NME8: variants seen among roughly 807,000 people sequenced by gnomAD.
NME8 encodes the protein NME/NM23 family member 8, also known as protein NME8.
Under a neutral mutation model 82.3 loss-of-function variants are expected in NME8, and 72 were observed. The observed-to-expected ratio is 0.87, with a 90% CI of 0.72 to 1.06. NME8 has a LOEUF of 1.06. Ranked by LOEUF, NME8 falls within the 50% of genes least tolerant of loss-of-function variation. The probability of loss-of-function intolerance (pLI) is 0.00; values close to 1 mark genes in which losing one functional copy is unlikely to be tolerated. For synonymous variants in NME8, 267 were observed against 228.5 expected, an observed-to-expected ratio of 1.17 and a Z score of -1.52; for missense variants, 712 against 685.4, an observed-to-expected ratio of 1.04 and a Z score of -0.43.
chr7:37,893,988 C>T (rs1234579720), intron 15 of NME8, among the ~76,000 whole-genome samples: 2 of 152,108 alleles, frequency 1.3e-5, no homozygotes, highest in Non-Finnish European at 2.9e-5. Context: ...GTTGGTTCAC[C>T]TTTGTCTCTA....
At chr7:37,885,346 A>C in intron 14 of NME8, 94 bp downstream of exon 14, 1 of 820,658 alleles carries the variant, frequency 1.2e-6, no homozygotes, top group Non-Finnish European at 2.1e-6. Context: ...GCTCTAGTCC[A>C]AGGGAGCTTC....
At chr7:37,873,729 T>A (rs139689482) in intron 11 of NME8, among the ~76,000 whole-genome samples, 3 of 152,234 alleles carry the variant, frequency 2.0e-5, no homozygotes, top group Non-Finnish European at 4.4e-5. Flanking sequence ...TAGAGCACCA[T>A]GTACAGCACA....
intron 4 of NME8, 85 bp downstream of exon 4, chr7:37,850,520 T>C (rs1784424043): frequency 2.6e-6 from 4 of 1,557,646 alleles, no homozygotes; most frequent in Non-Finnish European, 3.5e-6. Flanking sequence ...GTCCCCACTT[T>C]GACCAAGAAA....
Position 37,888,350 on chromosome 7 carries a change from G to C in NME8, c.1321G>C (p.Glu441Gln). The C allele has an allele frequency of 3.7e-6, 6 of 1,613,596 alleles. No homozygotes were observed. Among genetic ancestry groups the C allele is most frequent in the Non-Finnish European group, 5.1e-6 (6 of 1,179,680 alleles). The change falls in exon 15 of 18, where the codon GAA becomes CAA. Residue 441 changes from glutamate to glutamine, a missense_variant. Coordinates refer to ENST00000199447, the MANE Select transcript of NME8 (RefSeq NM_016616.5). Reference protein sequence around the residue: ...LYGSDSLETAEREIQHFFPLQ... With the variant: ...LYGSDSLETAQREIQHFFPLQ... ...TGGCAGCGATTCATTAGAAACCGCT[G>C]AAAGGGAAATACAGCATTTCTTTCC...
Position 37,876,926 on chromosome 7 carries a change from C to T in NME8, c.913C>T (p.Pro305Ser), listed in dbSNP as rs779061373. The change falls in exon 12 of 18, where the codon CCC becomes TCC. Residue 305 changes from proline to serine, a missense_variant. Coordinates refer to ENST00000199447, the MANE Select transcript of NME8 (RefSeq NM_016616.5). ...NVAKFMDAFF[P>S]DFKKMKSMKL... ...TGCTAAGTTCATGGATGCTTTCTTCCCCGATTTTAAAAAAATGAAAAGCAT... is the reference window on the plus strand; with the variant it reads ...TGCTAAGTTCATGGATGCTTTCTTCTCCGATTTTAAAAAAATGAAAAGCAT... 2 of 1,612,750 alleles carry T rather than the reference C, an allele frequency of 1.2e-6. No individual in the cohort carries two copies. The highest frequency in any genetic ancestry group is 3.3e-5 in the Admixed American group (2 of 59,972).
At chr7:37,862,889 G>A (rs760467167) in intron 7 of NME8, among the ~76,000 whole-genome samples, 1 of 152,112 alleles carries the variant, frequency 6.6e-6, no homozygotes, top group Admixed American at 6.5e-5. Context: ...GGAGGCCAAG[G>A]AGGGCAGATC....
At chr7:37,864,229 A>G (rs1225151229) in intron 8 of NME8, 119 bp from the exon 9 acceptor site, 1 of 1,252,206 alleles carries the variant, frequency 8.0e-7, no homozygotes, top group Non-Finnish European at 1.1e-6. Flanking sequence ...ATACACAGCT[A>G]TCAATGGGCA....
chr7:37,853,111 A>G (rs1039538900), intron 5 of NME8, among the ~76,000 whole-genome samples: 1 of 152,044 alleles, frequency 6.6e-6, no homozygotes, highest in Admixed American at 6.6e-5. Flanking sequence ...CTTATTTGCC[A>G]TCTGTATATC....
At chr7:37,899,818 T>C (rs1237820217) in intron 17 of NME8, among the ~76,000 whole-genome samples, 1 of 151,762 alleles carries the variant, frequency 6.6e-6, no homozygotes, top group African/African-American at 2.4e-5. Context: ...GACCTGAGAG[T>C]CCTGCTGAAC....
At chr7:37,861,981 G>GT (rs752059115) in intron 6 of NME8, 47 bp from the exon 7 acceptor site, 2 of 1,191,950 alleles carry the variant, frequency 1.7e-6, no homozygotes, top group South Asian at 2.4e-5. Context: ...AGTTCTTGGT[G>GT]TGTTCTCCAA....
At chr7:37,881,597 T>C (rs1057085090) in intron 12 of NME8, among the ~76,000 whole-genome samples, 2 of 152,224 alleles carry the variant, frequency 1.3e-5, no homozygotes, top group Non-Finnish European at 2.9e-5. Context: ...TCATGAGAGC[T>C]ATTGGTCTTT....
At chr7:37,884,255 C>G (rs774080938) in intron 12 of NME8, 48 bp from the exon 13 acceptor site, 1 of 1,245,746 alleles carries the variant, frequency 8.0e-7, no homozygotes, top group East Asian at 2.3e-5. Flanking sequence ...GTGTACATAA[C>G]CAGTAATCTA....
intron 16 of NME8, among the ~76,000 whole-genome samples, chr7:37,895,966 T>C (rs1050628994): frequency 6.6e-6 from 1 of 152,128 alleles, no homozygotes; most frequent in African/African-American, 2.4e-5. Context: ...TACAATGAAA[T>C]AACCTAATGT....
intron 11 of NME8, among the ~76,000 whole-genome samples, chr7:37,871,618 C>T (rs1784768374): frequency 6.6e-6 from 1 of 152,034 alleles, no homozygotes; most frequent in Non-Finnish European, 1.5e-5. Context: ...CCTAGAGATA[C>T]AAAGATGGGG....
intron 7 of NME8, 37 bp downstream of exon 7, chr7:37,862,181 T>A: frequency 7.2e-7 from 1 of 1,392,744 alleles, no homozygotes; most frequent in Non-Finnish European, 1.0e-6. Flanking sequence ...GAAGACAAGC[T>A]TATCATTTAG....
At position 37,899,104 on chromosome 7, in the gene NME8, A is replaced by G. The variant is rs755109239; in HGVS notation, c.*16-1140A>G. Among the ~76,000 whole-genome samples, 171 of 152,198 alleles carry G rather than the reference A, an allele frequency of 1.1e-3. 1 individual carries two copies. Among genetic ancestry groups the G allele is most frequent in the Non-Finnish European group, 1.5e-4 (10 of 68,030 alleles). ...TATGTTGGGAGTGTAAATTAGTTCA[A>G]CCATTGTGGAGGACAGTGTGCTGAT... On this transcript the variant is annotated intron_variant, in intron 17 of 17. Coordinates refer to ENST00000199447, the MANE Select transcript of NME8 (RefSeq NM_016616.5).
Position 37,885,181 on chromosome 7 carries a change from T to C in NME8, c.1176T>C (p.Asn392=), listed in dbSNP as rs1785022137. 1 of 1,613,288 alleles carries C rather than the reference T, an allele frequency of 6.2e-7. No homozygotes were observed. Among genetic ancestry groups the C allele is most frequent in the Non-Finnish European group, 8.5e-7 (1 of 1,179,346 alleles). Residue 392 remains asparagine, a synonymous_variant, in exon 14 of 18, where the codon AAT becomes AAC. Transcript: ENST00000199447. The part of the protein sequence containing the change: ...PSLALVLLRD[N]GLQYWKQLLG... ...TAGCCCTTGTTTTATTGAGAGACAA[T>C]GGCTTGCAATACTGGAAACAATTAC...
intron 6 of NME8, among the ~76,000 whole-genome samples, chr7:37,859,168 C>T (rs1784560656): frequency 6.6e-6 from 1 of 152,194 alleles, no homozygotes; most frequent in Non-Finnish European, 1.5e-5. Flanking sequence ...CTAATCGGGC[C>T]ATCACCCCGA....
At chr7:37,876,229 TATAGATAGATAG>T (rs56873287) in intron 11 of NME8, among the ~76,000 whole-genome samples, 30,492 of 146,080 alleles carry the variant, frequency 0.21, 3,894 homozygotes, top group Non-Finnish European at 0.3. Flanking sequence ...TATATATATA[TATAGATAGATAG>T]ATAGATAGAT....
Sources: allele counts gnomAD v4.1 joint callset (sites outside exome capture counted in the v4.1 genomes callset), GRCh38; gene constraint gnomAD v4.1.1; transcripts MANE v1.5; gene names NCBI Gene and HGNC (gene_info 2026-07-23, HGNC 2026-07-21).